The following MMRN1 variants were observed in gnomAD, a reference collection of about 807,000 sequenced individuals.
MMRN1 encodes multimerin-1.
A neutral mutation model predicts 100.7 loss-of-function variants in MMRN1; 94 were observed. The observed-to-expected ratio is 0.93, with a 90% CI of 0.79 to 1.11. The LOEUF (loss-of-function observed/expected upper bound fraction) is 1.11, where lower values mean the gene tolerates loss of function less well. Among genes scored for constraint, MMRN1 ranks in the 50% least tolerant of loss-of-function variants. The pLI, the probability that MMRN1 is intolerant of heterozygous loss-of-function variation, is 0.00. For missense variants in MMRN1, 1,606 were observed against 1,439.1 expected (o/e 1.12, Z -1.88); for synonymous variants, 575 against 505.0 (o/e 1.14, Z -1.86).
rs144964970 is a variant in MMRN1, at chr4:89,895,307, A to G, written c.336A>G (p.Leu112=). The change falls in exon 1 of 8, where the codon TTA becomes TTG. Residue 112 remains leucine (L), a synonymous_variant. Transcript: ENST00000264790. ...AGAAAGCAGAAGGAGTGGTCAAGTT[A>G]CAGAATCTTACCCTCCCAACCAACG... ...STEKAEGVVK[L]QNLTLPTNAS... The G allele has an allele frequency of 6.6e-5, 106 of 1,613,366 alleles. No homozygotes were observed. The highest frequency in any genetic ancestry group is 8.6e-5 in the Non-Finnish European group (102 of 1,179,932).
chr4:89,909,300 C>G lies in MMRN1; in HGVS notation c.648C>G (p.Thr216=). The G allele has an allele frequency of 1.2e-6, 2 of 1,609,256 alleles. No individual in the cohort carries two copies. The highest frequency in any genetic ancestry group is 1.7e-6 in the Non-Finnish European group (2 of 1,177,010). Residue 216 remains threonine (T), a synonymous_variant, in exon 2 of 8, where the codon ACC becomes ACG. Transcript: ENST00000264790. ...GGAATTGGTGTGCTTATGTACATAC[C>G]AGGTTATCTCCCACAGTGATATTGG... ...RGKNWCAYVH[T]RLSPTVILDN...
intron 2 of MMRN1, among the ~76,000 whole-genome samples, chr4:89,909,721 T>TA (rs2110596007): frequency 7.8e-6 from 1 of 127,736 alleles, no homozygotes; most frequent in East Asian, 4.0e-4. Flanking sequence ...AATCCTGTCC[T>TA]TAATTGCTTA....
rs6813151 is a variant in MMRN1 at position 89,951,350 on chromosome 4, A to T, written c.3119-255A>T. 2,342 of 344,558 alleles carry T rather than the reference A, an allele frequency of 6.8e-3. 24 individuals carry two copies. The highest frequency in any genetic ancestry group is 0.041 in the South Asian group (370 of 8,956). 21.3% of individuals were successfully genotyped at this position (344,558 alleles called of 1,614,324 possible). On this transcript the variant is annotated intron_variant, in intron 6 of 7. Coordinates refer to ENST00000264790, the MANE Select transcript of MMRN1 (RefSeq NM_007351.3). ...TCTATTCTGTTCTGCAGTTGACAAGAATGTTAACATTTCACACCAATAAAT... is the reference window on the plus strand; with the variant it reads ...TCTATTCTGTTCTGCAGTTGACAAGTATGTTAACATTTCACACCAATAAAT...
At chr4:89,904,861 T>C (rs1044059834) in intron 1 of MMRN1, among the ~76,000 whole-genome samples, 3 of 151,750 alleles carry the variant, frequency 2.0e-5, no homozygotes, top group Non-Finnish European at 3.0e-5. Context: ...GACTTAATAA[T>C]TGAACCGTTA....
chr4:89,931,759 C>G (rs1441965090), intron 5 of MMRN1, among the ~76,000 whole-genome samples: 6 of 152,122 alleles, frequency 3.9e-5, no homozygotes, highest in Non-Finnish European at 7.4e-5. Context: ...ATCATGAGAA[C>G]AGCATGGGAA....
Position 89,952,851 on chromosome 4 carries a change from A to T in MMRN1, c.3266-146A>T, listed in dbSNP as rs139103900. ...CCCCAGAGAAGAGACAGGCATTGAG[A>T]CACGTGCACCTTTGCTAAGTTTGAT... is the stretch of plus-strand genomic sequence containing the variant. On this transcript the variant is annotated intron_variant, in intron 7 of 7. Transcript: ENST00000264790. 4.7e-4 allele frequency: 318 copies of T among 681,546 alleles called. 2 individuals are homozygous for T. In the African/African-American group the frequency reaches 5.4e-3, roughly 12 times the overall value. The allele number at this position is 681,546 out of a possible 1,614,324, so 42.2% of individuals were successfully genotyped here.
intron 3 of MMRN1, among the ~76,000 whole-genome samples, chr4:89,913,963 C>T (rs1416331170): frequency 6.6e-6 from 1 of 151,386 alleles, no homozygotes; most frequent in East Asian, 1.9e-4. Flanking sequence ...CCTCCTGTTG[C>T]TCTCTGCTAT....
intron 4 of MMRN1, among the ~76,000 whole-genome samples, chr4:89,923,964 T>G (rs1419307743): frequency 6.6e-6 from 1 of 152,214 alleles, no homozygotes; most frequent in Non-Finnish European, 1.5e-5. Flanking sequence ...AATGGTGGTG[T>G]AATTTTTTAA....
At chr4:89,914,144 A>G (rs1263654530) in intron 3 of MMRN1, among the ~76,000 whole-genome samples, 1 of 151,396 alleles carries the variant, frequency 6.6e-6, no homozygotes, top group Non-Finnish European at 1.5e-5. Flanking sequence ...CCCTTCTAAT[A>G]GCTAACCAAA....
chr4:89,952,548 T>C (rs1179534283), intron 7 of MMRN1, among the ~76,000 whole-genome samples: 4 of 152,192 alleles, frequency 2.6e-5, no homozygotes, highest in Admixed American at 6.5e-5. Flanking sequence ...TTTATATGGT[T>C]TTCGTTTTAG....
chr4:89,906,075 C>T (rs1721556461), intron 1 of MMRN1, among the ~76,000 whole-genome samples: 1 of 151,496 alleles, frequency 6.6e-6, no homozygotes, highest in Admixed American at 6.6e-5. Context: ...CTCTCTCACT[C>T]AGTTCAGGAT....
intron 3 of MMRN1, among the ~76,000 whole-genome samples, chr4:89,912,940 A>G (rs1721801147): frequency 6.6e-6 from 1 of 151,210 alleles, no homozygotes; most frequent in Non-Finnish European, 1.5e-5. Flanking sequence ...CCATAATGCT[A>G]TTTGTTCTGG....
intron 1 of MMRN1, among the ~76,000 whole-genome samples, chr4:89,896,835 T>A (rs571665087): frequency 2.6e-5 from 4 of 152,306 alleles, no homozygotes; most frequent in African/African-American, 9.6e-5. Flanking sequence ...AGTTATAGAA[T>A]TTTTCGAAAT....
At chr4:89,949,097 A>G (rs925935564) in intron 6 of MMRN1, among the ~76,000 whole-genome samples, 30 of 152,176 alleles carry the variant, frequency 2.0e-4, no homozygotes, top group African/African-American at 7.0e-4. Flanking sequence ...GAAGCAAAAA[A>G]TGGAATGCTG....
chr4:89,935,580 A>C lies in MMRN1; in HGVS notation c.1900A>C (p.Lys634Gln), dbSNP rs1722594322. ...VLFPMDNKMD[K>Q]MSEQLNDLTY... is the part of the protein sequence containing the mutation. ...CTTTCCAATGGACAATAAGATGGAC[A>C]AAATGAGTGAGCAACTAAATGATTT... is the stretch of plus-strand genomic sequence containing the variant. Residue 634 changes from lysine (K) to glutamine (Q), a missense_variant, in exon 6 of 8, where the codon AAA becomes CAA. By Grantham distance (53) the Lys-to-Gln change is moderately conservative. Transcript: ENST00000264790. 6.2e-7 allele frequency: 1 copy of C among 1,613,474 alleles called. No homozygotes were observed. The highest frequency in any genetic ancestry group is 8.5e-7 in the Non-Finnish European group (1 of 1,179,762).
chr4:89,903,356 T>G (rs1578470298), intron 1 of MMRN1, among the ~76,000 whole-genome samples: 1 of 151,788 alleles, frequency 6.6e-6, no homozygotes. Context: ...TCTGAAAGTT[T>G]TTTTTTTTTT....
intron 3 of MMRN1, among the ~76,000 whole-genome samples, chr4:89,919,481 C>T (rs1722021821): frequency 6.6e-6 from 1 of 151,202 alleles, no homozygotes; most frequent in Admixed American, 6.6e-5. Flanking sequence ...TGTTTGAATC[C>T]AACGTTTACC....
chr4:89,922,525 T>C (rs1482607715), intron 3 of MMRN1, among the ~76,000 whole-genome samples: 1 of 152,202 alleles, frequency 6.6e-6, no homozygotes, highest in African/African-American at 2.4e-5. Flanking sequence ...AAAATATTAC[T>C]TGATTCATGG....
At chr4:89,923,937 G>T (rs1722168266) in intron 4 of MMRN1, among the ~76,000 whole-genome samples, 1 of 152,202 alleles carries the variant, frequency 6.6e-6, no homozygotes, top group South Asian at 2.1e-4. Context: ...TAAGAATGCA[G>T]CTGAATATCC....
Sources: gnomAD v4.1 joint callset for allele counts (sites outside exome capture counted in the v4.1 genomes callset) on GRCh38, gnomAD v4.1.1 for gene constraint, MANE v1.5 for transcripts, NCBI Gene and HGNC (gene_info 2026-07-23, HGNC 2026-07-21) for gene names.